TLCD1: variants seen among roughly 807,000 people sequenced by gnomAD.
The protein encoded by TLCD1 is TLC domain-containing protein 1.
A neutral mutation model predicts 21.2 loss-of-function variants in TLCD1; 21 were observed. The observed-to-expected ratio is 0.99, with a 90% confidence interval of 0.70 to 1.42. TLCD1 has a LOEUF of 1.42. Among genes scored for constraint, TLCD1 ranks in the 40% most tolerant of loss-of-function variants. The pLI is 0.00. For synonymous variants in TLCD1, 168 were observed against 134.8 expected (o/e 1.25, Z -1.71); for missense variants, 344 against 330.3 (o/e 1.04, Z -0.32).
At chr17:28,726,861 G>T, upstream of TLCD1, 1 of 1,522,284 alleles carries the variant, frequency 6.6e-7, no homozygotes. Context: ...GGCTGTCACA[G>T]TCCTCCCTCA....
At chr17:28,727,080 T>C (rs1011103620), upstream of TLCD1, 3 of 548,608 alleles carry the variant, frequency 5.5e-6, no homozygotes. Context: ...AGAGTTTAGG[T>C]ATAAACTCTG....
chr17:28,726,125 A>T lies in TLCD1; in HGVS notation c.-28T>A. ...TGGCCCTCCCTGCCGTCCGCCCTCGAGGCCGCCTCCTAGGTCTGTTCTGGG... is the reference window on the plus strand; with the variant it reads ...TGGCCCTCCCTGCCGTCCGCCCTCGTGGCCGCCTCCTAGGTCTGTTCTGGG... On this transcript the variant is annotated 5_prime_UTR_variant, in exon 1 of 4. Coordinates refer to ENST00000292090, the MANE Select transcript of TLCD1 (RefSeq NM_138463.4). 7.0e-7 allele frequency: 1 copy of T among 1,423,360 alleles called. No individual in the cohort carries two copies. Among genetic ancestry groups the T allele is most frequent in the Non-Finnish European group, 9.1e-7 (1 of 1,100,952 alleles). The allele number at this position is 1,423,360 out of a possible 1,614,324, so 88.2% of individuals were successfully genotyped here.
chr17:28,725,517 A>G lies in TLCD1; in HGVS notation c.241T>C (p.Ser81Pro), dbSNP rs1172291096. ...CAAACGAGCAAATAGCCAGAAAGTG[A>G]CCACGCCGTCTCAATCTCCACTAAC... ...DMLVEIETAW[S>P]LSGYLLVCFS... is the part of the protein sequence containing the mutation. The change falls in exon 2 of 4, where the codon TCA becomes CCA. Residue 81 changes from serine to proline, a missense_variant. Ser to Pro is a moderately conservative substitution (Grantham distance 74, BLOSUM62 -1). Coordinates refer to ENST00000292090, the MANE Select transcript of TLCD1 (RefSeq NM_138463.4). The G allele has an allele frequency of 6.2e-7, 1 of 1,614,024 alleles. No individual in the cohort carries two copies. Among genetic ancestry groups the G allele is most frequent in the Non-Finnish European group, 8.5e-7 (1 of 1,180,006 alleles).
In TLCD1 at chr17:28,724,404, G is replaced by T; in HGVS notation, c.*106C>A. 7.3e-7 allele frequency: 1 copy of T among 1,378,454 alleles called. No individual in the cohort carries two copies. The highest frequency in any genetic ancestry group is 9.9e-7 in the Non-Finnish European group (1 of 1,009,130). The allele number at this position is 1,378,454 out of a possible 1,614,324, so 85.4% of individuals were successfully genotyped here. On this transcript the variant is annotated 3_prime_UTR_variant, in exon 4 of 4. Coordinates refer to ENST00000292090, the MANE Select transcript of TLCD1 (RefSeq NM_138463.4). The stretch of plus-strand genomic sequence containing the variant: ...TAGTGTGGGCGCAGGCTCAGAAGGT[G>T]GAGAGGCTGGCCTCAGAGGACACCC...
intron 1 of TLCD1, 145 bp from the exon 2 acceptor site, chr17:28,725,708 G>T: frequency 8.7e-7 from 1 of 1,147,896 alleles, no homozygotes; most frequent in Non-Finnish European, 1.2e-6. Flanking sequence ...AAACCCAAGA[G>T]CCTCCAGTTT....
rs1237894986 is a variant in TLCD1, at chr17:28,726,174, T to C, written c.-77A>G. The C allele has an allele frequency of 4.4e-6, 6 of 1,377,890 alleles. No homozygotes were observed. Among genetic ancestry groups the C allele is most frequent in the Non-Finnish European group, 5.6e-6 (6 of 1,074,534 alleles). 85.4% of individuals were successfully genotyped at this position (1,377,890 alleles called of 1,614,324 possible). On this transcript the variant is annotated 5_prime_UTR_variant, in exon 1 of 4. Transcript: ENST00000292090. ...GGAACCGGGATCCCTCTCGGGCCAG[T>C]CCAGGCCGGCCGCCTCTCCCGCCGG...
Position 28,724,437 on chromosome 17 carries a change from G to T in TLCD1, c.*73C>A. The T allele has an allele frequency of 6.4e-7, 1 of 1,552,434 alleles. No homozygotes were observed. The highest frequency in any genetic ancestry group is 8.7e-7 in the Non-Finnish European group (1 of 1,149,130). On this transcript the variant is annotated 3_prime_UTR_variant, in exon 4 of 4. Transcript: ENST00000292090. ...TGGCCTCAGAGGACACCCAGGCTTG[G>T]GGCTAAGTCCCAGTGTCCATATGAA...
upstream of TLCD1, chr17:28,726,351 T>A: frequency 1.4e-6 from 1 of 696,316 alleles, no homozygotes; most frequent in Non-Finnish European, 1.8e-6. Context: ...CCTCAGGCGC[T>A]GCTGCCGCGC....
In TLCD1 at chr17:28,725,547, C is replaced by G; in HGVS notation, c.211G>C (p.Asp71His). ...GCCGTCTCAATCTCCACTAACATGT[C>G]AGGAGTCTGCCATACACTGGAAAGG... is the stretch of plus-strand genomic sequence containing the variant. ...WALLCVWQTP[D>H]MLVEIETAWS... Residue 71 changes from aspartate to histidine, a missense_variant, in exon 2 of 4, where the codon GAC becomes CAC. Physicochemically the swap from Asp to His is moderately conservative, Grantham distance 81 (BLOSUM62 -1). Coordinates refer to ENST00000292090, the MANE Select transcript of TLCD1 (RefSeq NM_138463.4). 4 of 1,614,118 alleles carry G rather than the reference C, an allele frequency of 2.5e-6. No individual in the cohort carries two copies. The highest frequency in any genetic ancestry group is 3.4e-6 in the Non-Finnish European group (4 of 1,180,004).
rs764325219 is a variant in TLCD1 at position 28,725,543 on chromosome 17, A to G, written c.215T>C (p.Met72Thr). The G allele has an allele frequency of 3.1e-6, 5 of 1,613,904 alleles. No individual in the cohort carries two copies. The highest frequency in any genetic ancestry group is 4.2e-6 in the Non-Finnish European group (5 of 1,179,958). The change falls in exon 2 of 4, where the codon ATG becomes ACG. Residue 72 changes from methionine (M) to threonine (T), a missense_variant. By Grantham distance (81) the Met-to-Thr change is moderately conservative. Transcript: ENST00000292090. ...ALLCVWQTPD[M>T]LVEIETAWSL... Reference sequence around the variant, plus strand: ...CCACGCCGTCTCAATCTCCACTAACATGTCAGGAGTCTGCCATACACTGGA... The same window carrying G: ...CCACGCCGTCTCAATCTCCACTAACGTGTCAGGAGTCTGCCATACACTGGA...
chr17:28,727,251 A>G, upstream of TLCD1: 1 of 212,888 alleles, frequency 4.7e-6, no homozygotes, highest in Non-Finnish European at 9.8e-6. Context: ...AGGCGCAAGG[A>G]CCCAGGGACC....
chr17:28,726,638 C>T (rs563094382), upstream of TLCD1: 6 of 966,242 alleles, frequency 6.2e-6, no homozygotes, highest in African/African-American at 6.4e-5. Context: ...ACGCCCACGC[C>T]CCCTAAGTCC....
rs1363052323 is a variant in TLCD1, at chr17:28,725,509, A to C, written c.249T>G (p.Ser83=). ...LVEIETAWSL[S]GYLLVCFSAG... is the part of the protein sequence containing the mutation. ...CAGAGAAGCAAACGAGCAAATAGCC[A>C]GAAAGTGACCACGCCGTCTCAATCT... The change falls in exon 2 of 4, where the codon TCT becomes TCG. Residue 83 remains serine, a synonymous_variant. Transcript: ENST00000292090. 1.2e-6 allele frequency: 2 copies of C among 1,614,070 alleles called. No homozygotes were observed. The highest frequency in any genetic ancestry group is 1.7e-6 in the Non-Finnish European group (2 of 1,180,028).
intron 1 of TLCD1, 126 bp downstream of exon 1, chr17:28,725,778 A>C (rs1286487148): frequency 7.6e-7 from 1 of 1,324,372 alleles, no homozygotes; most frequent in East Asian, 2.5e-5. Context: ...AGGATACCAA[A>C]CGGGATCAGG....
intron 2 of TLCD1, 37 bp from the exon 3 acceptor site, chr17:28,725,423 C>A (rs772853055): frequency 1.2e-6 from 2 of 1,614,082 alleles, no homozygotes; most frequent in East Asian, 2.2e-5. Flanking sequence ...ATGAACTGAA[C>A]AAGCAGCTTC....
upstream of TLCD1, chr17:28,727,658 C>G (rs1449821333): frequency 6.6e-6 from 1 of 151,268 alleles, no homozygotes; most frequent in Non-Finnish European, 1.5e-5. Context: ...CTCACTCTAT[C>G]GCCCAGGCTG....
At chr17:28,726,775 G>A (rs866977333), upstream of TLCD1, 2 of 1,549,278 alleles carry the variant, frequency 1.3e-6, no homozygotes, top group Non-Finnish European at 1.7e-6. Flanking sequence ...CCGCGCCCGC[G>A]AGGTGGGCAC....
upstream of TLCD1, chr17:28,727,383 G>T (rs1162740753): frequency 1.9e-5 from 3 of 154,094 alleles, no homozygotes; most frequent in Admixed American, 6.3e-5. Flanking sequence ...CTGGGTGAGC[G>T]GCTTTCCCGC....
chr17:28,726,307 C>T, upstream of TLCD1: 2 of 1,018,912 alleles, frequency 2.0e-6, no homozygotes, highest in East Asian at 4.5e-5. Flanking sequence ...CCCGCCCCGC[C>T]CGCCTGCCCC....
Sources: gnomAD v4.1 joint callset for allele counts on GRCh38, gnomAD v4.1.1 for gene constraint, MANE v1.5 for transcripts, NCBI Gene and HGNC (gene_info 2026-07-23, HGNC 2026-07-21) for gene names.